PTPRD: variants seen among roughly 807,000 people sequenced by gnomAD.
PTPRD encodes protein tyrosine phosphatase receptor type D.
In PTPRD, 34 loss-of-function variants were observed where a neutral mutation model predicts 214.5. That is an observed-to-expected ratio of 0.16 (90% confidence interval 0.12 to 0.21). The LOEUF is 0.21. Ranked by LOEUF, PTPRD falls within the 10% of genes least tolerant of loss-of-function variation. The pLI is 1.00. For missense variants in PTPRD, 2,545 were observed against 2,398.7 expected, an observed-to-expected ratio of 1.06 and a Z score of -1.27; for synonymous variants, 1,128 against 845.7, an observed-to-expected ratio of 1.33 and a Z score of -5.79.
rs551040356 is a variant in PTPRD, at chr9:9,451,824, T to C, written c.-236-54342A>G. On this transcript the variant is annotated intron_variant, in intron 8 of 45. Transcript: ENST00000381196. ...AATTTTAGAAAGTTAGAAGAATGGG[T>C]TGAATTTGCGCTATAGATACAACTG... Among the ~76,000 whole-genome samples, 138 of 151,576 alleles carry C rather than the reference T, an allele frequency of 9.1e-4. 1 individual carries two copies. The highest frequency in any genetic ancestry group is 3.1e-3 in the African/African-American group (129 of 41,472).
chr9:8,583,997 T>C (rs952670375), intron 14 of PTPRD, among the ~76,000 whole-genome samples: 4 of 151,938 alleles, frequency 2.6e-5, no homozygotes, highest in Admixed American at 1.3e-4. Flanking sequence ...ACAAAAAATA[T>C]ACAAATTAGC....
chr9:8,347,090 A>AG (rs146176045), intron 39 of PTPRD, among the ~76,000 whole-genome samples: 12,238 of 151,876 alleles, frequency 0.081, 528 homozygotes, highest in Middle Eastern at 0.12. Flanking sequence ...CCCTGCGGAT[A>AG]GAGGGGGACT....
chr9:9,807,837 C>T (rs372863337), intron 5 of PTPRD, among the ~76,000 whole-genome samples: 14 of 152,098 alleles, frequency 9.2e-5, no homozygotes, highest in African/African-American at 2.9e-4. Context: ...TGGAAGAATC[C>T]GATTTTTCCA....
At chr9:10,551,889 T>C (rs1001602621) in intron 2 of PTPRD, among the ~76,000 whole-genome samples, 4 of 152,196 alleles carry the variant, frequency 2.6e-5, no homozygotes, top group Admixed American at 2.6e-4. Flanking sequence ...ACATGCTGTC[T>C]TTCATTTCTA....
intron 7 of PTPRD, among the ~76,000 whole-genome samples, chr9:9,723,538 A>T (rs2098010156): frequency 6.6e-6 from 1 of 152,044 alleles, no homozygotes; most frequent in Admixed American, 6.6e-5. Flanking sequence ...GAATTTTAGA[A>T]TCAGCTTGTT....
intron 5 of PTPRD, among the ~76,000 whole-genome samples, chr9:9,905,945 A>T (rs1242417009): frequency 3.3e-5 from 5 of 151,972 alleles, no homozygotes; most frequent in Admixed American, 3.3e-4. Context: ...TGGGACCAGA[A>T]TACGGTGGTT....
chr9:10,401,698 G>A (rs1411642551), intron 2 of PTPRD, among the ~76,000 whole-genome samples: 1 of 148,218 alleles, frequency 6.7e-6, no homozygotes, highest in Non-Finnish European at 1.5e-5. Flanking sequence ...TAATAAAATG[G>A]CATTCAGATA....
At chr9:9,268,078 T>C (rs969597863) in intron 9 of PTPRD, among the ~76,000 whole-genome samples, 3 of 150,802 alleles carry the variant, frequency 2.0e-5, no homozygotes, top group Non-Finnish European at 3.0e-5. Context: ...AAAGAAAAAA[T>C]TGTCTCTGTT....
chr9:10,106,418 G>A (rs550153727), intron 3 of PTPRD, among the ~76,000 whole-genome samples: 2 of 151,880 alleles, frequency 1.3e-5, no homozygotes, highest in African/African-American at 4.8e-5. Flanking sequence ...TGGAAGTTTT[G>A]GCTTCAAGGC....
intron 11 of PTPRD, among the ~76,000 whole-genome samples, chr9:8,820,870 C>T (rs2097044482): frequency 1.3e-5 from 2 of 152,106 alleles, no homozygotes; most frequent in South Asian, 4.1e-4. Context: ...TTTTCTACTC[C>T]CTACACGACA....
At chr9:9,598,331 G>C (rs574437895) in intron 7 of PTPRD, among the ~76,000 whole-genome samples, 2 of 151,940 alleles carry the variant, frequency 1.3e-5, no homozygotes, top group Admixed American at 1.3e-4. Flanking sequence ...ATAGAAAATG[G>C]GGATGTCGAG....
At chr9:10,043,408 T>C (rs1764127533) in intron 3 of PTPRD, among the ~76,000 whole-genome samples, 2 of 151,864 alleles carry the variant, frequency 1.3e-5, no homozygotes, top group South Asian at 2.1e-4. Context: ...ATGTTTTATC[T>C]ATGGGGAGTA....
intron 2 of PTPRD, among the ~76,000 whole-genome samples, chr9:10,521,114 C>T (rs565214609): frequency 4.6e-5 from 7 of 151,930 alleles, no homozygotes; most frequent in African/African-American, 1.2e-4. Context: ...GAAAACCTTC[C>T]GGAAAGGATT....
At chr9:9,184,819 A>C (rs975864632) in intron 9 of PTPRD, among the ~76,000 whole-genome samples, 1 of 152,024 alleles carries the variant, frequency 6.6e-6, no homozygotes, top group Non-Finnish European at 1.5e-5. Flanking sequence ...CTTAAATCTT[A>C]TGTGATAAGA....
At chr9:8,376,798 G>A (rs2134927187) in intron 37 of PTPRD, 72 bp from the exon 38 acceptor site, 1 of 1,588,850 alleles carries the variant, frequency 6.3e-7, no homozygotes. Context: ...TTGAGTTGCT[G>A]TTGAAGGAAA....
chr9:10,106,163 G>A (rs962658500), intron 3 of PTPRD, among the ~76,000 whole-genome samples: 5 of 151,466 alleles, frequency 3.3e-5, no homozygotes, highest in African/African-American at 1.2e-4. Context: ...ACAGACCACA[G>A]ATCTTTTAAC....
intron 9 of PTPRD, among the ~76,000 whole-genome samples, chr9:9,275,453 C>T (rs1181552239): frequency 6.6e-6 from 1 of 150,468 alleles, no homozygotes; most frequent in Non-Finnish European, 1.5e-5. Context: ...TCTCTGGACC[C>T]ACCCGAAGAG....
chr9:8,756,283 A>G (rs1433550488), intron 11 of PTPRD, among the ~76,000 whole-genome samples: 1 of 152,184 alleles, frequency 6.6e-6, no homozygotes, highest in Non-Finnish European at 1.5e-5. Flanking sequence ...TGTTAATATT[A>G]TATAATAGAT....
chr9:8,453,946 A>G (rs2096071048), intron 33 of PTPRD, among the ~76,000 whole-genome samples: 1 of 152,188 alleles, frequency 6.6e-6, no homozygotes, highest in Non-Finnish European at 1.5e-5. Context: ...GAATTTATAT[A>G]TATGTTACAT....
Sources: gnomAD v4.1 joint callset for allele counts (sites outside exome capture counted in the v4.1 genomes callset) on GRCh38, gnomAD v4.1.1 for gene constraint, MANE v1.5 for transcripts, NCBI Gene and HGNC (gene_info 2026-07-23, HGNC 2026-07-21) for gene names.